Variants in PCDH15 observed in about 807,000 individuals in gnomAD.
PCDH15 encodes the protein protocadherin related 15.
A neutral mutation model predicts 178.5 loss-of-function variants in PCDH15; 129 were observed. That is an observed-to-expected ratio of 0.72 (90% CI 0.63 to 0.84). PCDH15 has a LOEUF of 0.84. PCDH15 is among the 40% of genes least tolerant of loss of function. PCDH15 has a pLI of 0.00. For missense variants in PCDH15, 2,230 were observed against 2,099.9 expected, an observed-to-expected ratio of 1.06 and a Z score of -1.21; for synonymous variants, 800 against 732.0, an observed-to-expected ratio of 1.09 and a Z score of -1.50.
intron 1 of PCDH15, among the ~76,000 whole-genome samples, chr10:54,688,436 T>C (rs1328509011): frequency 1.3e-5 from 2 of 152,268 alleles, no homozygotes; most frequent in East Asian, 1.9e-4. Context: ...GAATGCTTAA[T>C]GTATTTTAAC....
chr10:54,721,980 C>T (rs1349118250), intron 1 of PCDH15, among the ~76,000 whole-genome samples: 2 of 151,782 alleles, frequency 1.3e-5, no homozygotes, highest in East Asian at 3.9e-4. Context: ...AAAATACTAG[C>T]AAACCAAATC....
At chr10:54,020,144 A>G in intron 20 of PCDH15, 48 bp downstream of exon 20, 1 of 1,517,276 alleles carries the variant, frequency 6.6e-7, no homozygotes. Flanking sequence ...CAAAACCTAC[A>G]TGTAGAGAGA....
chr10:54,470,755 C>T (rs375111505), intron 3 of PCDH15, among the ~76,000 whole-genome samples: 1 of 152,118 alleles, frequency 6.6e-6, no homozygotes, highest in Non-Finnish European at 1.5e-5. Flanking sequence ...CGGGCTGCCT[C>T]GCTTTGGTCT....
chr10:55,050,403 T>C (rs1026154914), intron 2 of PCDH15, among the ~76,000 whole-genome samples: 10 of 152,032 alleles, frequency 6.6e-5, no homozygotes, highest in Non-Finnish European at 1.2e-4. Context: ...ATTAACATTC[T>C]CTATGATAAA....
At chr10:55,117,296 G>A (rs545214872) in intron 2 of PCDH15, among the ~76,000 whole-genome samples, 1 of 152,244 alleles carries the variant, frequency 6.6e-6, no homozygotes, top group Admixed American at 6.5e-5. Context: ...AGAGTAACCA[G>A]CCTTCTGCTG....
intron 2 of PCDH15, among the ~76,000 whole-genome samples, chr10:55,618,419 T>C (rs1434627016): frequency 6.6e-6 from 1 of 152,086 alleles, no homozygotes; most frequent in Non-Finnish European, 1.5e-5. Context: ...ATTTCAACTG[T>C]ACTGTTACTT....
chr10:53,811,460 A>G (rs1228759136), intron 36 of PCDH15, 89 bp downstream of exon 36: 2 of 813,780 alleles, frequency 2.5e-6, no homozygotes, highest in Non-Finnish European at 3.7e-6. Context: ...GACATTAAAA[A>G]CAAATTCTAG....
chr10:54,580,893 A>G (rs575268412), intron 2 of PCDH15, among the ~76,000 whole-genome samples: 1 of 152,226 alleles, frequency 6.6e-6, no homozygotes, highest in South Asian at 2.1e-4. Context: ...TTTTGATAAA[A>G]TCTAACATCT....
At chr10:55,048,702 A>G (rs962379641) in intron 2 of PCDH15, among the ~76,000 whole-genome samples, 1 of 151,818 alleles carries the variant, frequency 6.6e-6, no homozygotes, top group Non-Finnish European at 1.5e-5. Flanking sequence ...GATATTTATC[A>G]TTTGTTTTTA....
intron 29 of PCDH15, among the ~76,000 whole-genome samples, chr10:53,839,448 A>G (rs2077508756): frequency 6.6e-6 from 1 of 152,078 alleles, no homozygotes. Context: ...GTAAATGTGT[A>G]TATGGATATG....
intron 2 of PCDH15, among the ~76,000 whole-genome samples, chr10:55,161,211 C>T (rs2132113440): frequency 6.6e-6 from 1 of 152,244 alleles, no homozygotes; most frequent in Non-Finnish European, 1.5e-5. Context: ...AAGTTATTCC[C>T]TTCTTCATGC....
At chr10:54,569,471 T>C (rs1323764113) in intron 2 of PCDH15, among the ~76,000 whole-genome samples, 1 of 152,174 alleles carries the variant, frequency 6.6e-6, no homozygotes, top group African/African-American at 2.4e-5. Flanking sequence ...TCCAAAATGT[T>C]AAAATCATTA....
intron 1 of PCDH15, among the ~76,000 whole-genome samples, chr10:54,689,176 T>C (rs2095069806): frequency 6.6e-6 from 1 of 152,050 alleles, no homozygotes; most frequent in South Asian, 2.1e-4. Flanking sequence ...ATATTATTAT[T>C]AATATATATG....
At chr10:54,046,625 C>A (rs1031757415) in intron 18 of PCDH15, among the ~76,000 whole-genome samples, 8 of 135,704 alleles carry the variant, frequency 5.9e-5, no homozygotes, top group African/African-American at 2.2e-4. Context: ...AACAAAAAAA[C>A]CCAGGAAATT....
chr10:53,990,719 A>G (rs1327953269), intron 21 of PCDH15, among the ~76,000 whole-genome samples: 1 of 151,984 alleles, frequency 6.6e-6, no homozygotes, highest in Non-Finnish European at 1.5e-5. Context: ...ACACTTGAGG[A>G]GCCCCTTCAG....
chr10:54,221,599 TC>T (rs1001270825), intron 9 of PCDH15, among the ~76,000 whole-genome samples: 5 of 146,374 alleles, frequency 3.4e-5, no homozygotes, highest in Non-Finnish European at 5.9e-5. Context: ...TAGTATGTAT[TC>T]TTTTTTTTTT....
intron 10 of PCDH15, among the ~76,000 whole-genome samples, chr10:54,200,567 A>G (rs900461097): frequency 6.6e-6 from 1 of 152,000 alleles, no homozygotes; most frequent in Admixed American, 6.6e-5. Flanking sequence ...ACCCACTTCA[A>G]TCATACTTTT....
intron 3 of PCDH15, among the ~76,000 whole-genome samples, chr10:54,873,296 G>A (rs987494641): frequency 2.0e-5 from 3 of 151,978 alleles, no homozygotes; most frequent in East Asian, 1.9e-4. Context: ...AAAACCAATC[G>A]ATGAAGTCTA....
chr10:54,295,901 T>C (rs1300920271), intron 8 of PCDH15, among the ~76,000 whole-genome samples: 1 of 151,000 alleles, frequency 6.6e-6, no homozygotes, highest in Admixed American at 6.6e-5. Context: ...TCCCAGCACT[T>C]TGGGAGGCCG....
Sources: gnomAD v4.1 joint callset for allele counts (sites outside exome capture counted in the v4.1 genomes callset) on GRCh38, gnomAD v4.1.1 for gene constraint, MANE v1.5 for transcripts, NCBI Gene and HGNC (gene_info 2026-07-23, HGNC 2026-07-21) for gene names.